Variants in CEP170 observed in about 807,000 individuals in gnomAD.
CEP170 encodes centrosomal protein 170.
A neutral mutation model predicts 151.9 loss-of-function variants in CEP170; 21 were observed. That is an observed-to-expected ratio of 0.14 (90% CI 0.10 to 0.20). CEP170 has a LOEUF of 0.20. Ranked by LOEUF, CEP170 falls within the 10% of genes least tolerant of loss-of-function variation. The pLI is 1.00. For synonymous variants in CEP170, 356 were observed against 648.8 expected (o/e 0.55, Z 6.86); for missense variants, 964 against 1,892.9 (o/e 0.51, Z 9.11).
intron 1 of CEP170, among the ~76,000 whole-genome samples, chr1:243,227,242 G>T (rs2063371342): frequency 6.6e-6 from 1 of 150,596 alleles, no homozygotes; most frequent in Admixed American, 6.6e-5. Flanking sequence ...ACTTCCTCTT[G>T]ACAGCTCAAA....
rs2059894601 is a variant in CEP170, at chr1:243,185,645, A to C, written c.1566+134T>G. On this transcript the variant is annotated intron_variant, in intron 10 of 19. Coordinates refer to ENST00000366542, the MANE Select transcript of CEP170 (RefSeq NM_014812.3). This position sits in a 1 kb window ranked among gnomAD's most constrained non-coding sequence, Gnocchi z 4.9. ...TGTTGGTCTTACTGTTAAGTCTTGC[A>C]GTTCCCTAACAAAACCCTAAAATTC... 1 of 1,257,718 alleles carries C rather than the reference A, an allele frequency of 8.0e-7. No homozygotes were observed. The highest frequency in any genetic ancestry group is 1.5e-5 in the African/African-American group (1 of 66,980). 77.9% of individuals were successfully genotyped at this position (1,257,718 alleles called of 1,614,324 possible).
chr1:243,210,228 C>T lies in CEP170; in HGVS notation c.274+1658G>A, dbSNP rs564293332. On this transcript the variant is annotated intron_variant, in intron 4 of 19. Transcript: ENST00000366542. ...CATGAGGTTTTTTTCTCAATAGTTT[C>T]TTCTTGATATAAAATTCAAAGTTAA... Among the ~76,000 whole-genome samples the T allele has an allele frequency of 1.3e-3, 203 of 152,228 alleles. 1 individual carries two copies. Among genetic ancestry groups the T allele is most frequent in the Non-Finnish European group, 2.3e-3 (159 of 68,000 alleles).
At position 243,174,782 on chromosome 1, in the gene CEP170, GTTAAGT is replaced by G. The variant is rs544682597; in HGVS notation, c.1567-1942_1567-1937del. Among the ~76,000 whole-genome samples the G allele has an allele frequency of 6.7e-3, 1,025 of 152,256 alleles. 10 individuals carry two copies. Among genetic ancestry groups the G allele is most frequent in the African/African-American group, 0.023 (971 of 41,536 alleles). ...CTGCTTCGTTTTGCTTAACATTAGC[GTTAAGT>G]TTAACAGCAGTGAAAAAACCAGAGT... On this transcript the variant is annotated intron_variant, in intron 10 of 19. Coordinates refer to ENST00000366542, the MANE Select transcript of CEP170 (RefSeq NM_014812.3).
At chr1:243,207,446 CA>C (rs2061498042) in intron 4 of CEP170, among the ~76,000 whole-genome samples, 1 of 152,214 alleles carries the variant, frequency 6.6e-6, no homozygotes, top group African/African-American at 2.4e-5. Context: ...CCTGAGATTT[CA>C]ATACCCCTTT....
chr1:243,157,067 A>C (rs1401494605), intron 13 of CEP170, among the ~76,000 whole-genome samples: 1 of 152,246 alleles, frequency 6.6e-6, no homozygotes. Flanking sequence ...TGGTAAAAAA[A>C]CACAACAAAG....
chr1:243,250,961 A>G (rs933017356), intron 1 of CEP170, among the ~76,000 whole-genome samples: 1 of 152,206 alleles, frequency 6.6e-6, no homozygotes, highest in Non-Finnish European at 1.5e-5. Flanking sequence ...CACTGACAAA[A>G]CTGATTGAAT....
chr1:243,228,121 T>G (rs1222689624), intron 1 of CEP170, among the ~76,000 whole-genome samples: 1 of 152,232 alleles, frequency 6.6e-6, no homozygotes, highest in African/African-American at 2.4e-5. Context: ...AGGCAAACTA[T>G]ACTACAGTAA....
intron 15 of CEP170, among the ~76,000 whole-genome samples, chr1:243,141,553 A>T (rs182874604): frequency 6.6e-6 from 1 of 152,336 alleles, no homozygotes; most frequent in East Asian, 1.9e-4. Flanking sequence ...CTCCAAACAC[A>T]GAAGTTCATT....
intron 8 of CEP170, 49 bp from the exon 9 acceptor site, chr1:243,186,471 A>G (rs747983641): frequency 3.1e-5 from 47 of 1,530,778 alleles, no homozygotes; most frequent in Middle Eastern, 1.8e-4. Context: ...AGTCCCATGT[A>G]GAAATTTAGA....
At chr1:243,168,307 CT>C (rs1326808965) in intron 12 of CEP170, 2 of 151,896 alleles carry the variant, frequency 1.3e-5, no homozygotes, top group East Asian at 3.8e-4. Flanking sequence ...TGCCACAAGC[CT>C]GAGACAAAAC....
rs990635344 is a variant in CEP170, at chr1:243,255,085, C to A, written c.-87G>T. 3 of 152,534 alleles carry A rather than the reference C, an allele frequency of 2.0e-5. No homozygotes were observed. The highest frequency in any genetic ancestry group is 6.5e-5 in the Admixed American group (1 of 15,286). The allele number at this position is 152,534 out of a possible 1,614,324, so 9.4% of individuals were successfully genotyped here. On this transcript the variant is annotated 5_prime_UTR_variant, in exon 1 of 20. Coordinates refer to ENST00000366542, the MANE Select transcript of CEP170 (RefSeq NM_014812.3). ...ACCGGACGGGGGAGGCGGGGCGCGT[C>A]GCGTCCCGTGAGTCTCTCGCACGCC...
At chr1:243,205,237 G>C (rs1036084597) in intron 4 of CEP170, among the ~76,000 whole-genome samples, 1 of 152,150 alleles carries the variant, frequency 6.6e-6, no homozygotes, top group African/African-American at 2.4e-5. Flanking sequence ...GAAAATATTA[G>C]AGATAATAGT....
chr1:243,136,493 C>T (rs2148252603), intron 16 of CEP170, among the ~76,000 whole-genome samples: 1 of 152,282 alleles, frequency 6.6e-6, no homozygotes, highest in African/African-American at 2.4e-5. Flanking sequence ...AAACACAATC[C>T]ATTTTATCCT....
chr1:243,186,190 A>C, intron 9 of CEP170, 69 bp downstream of exon 9: 1 of 1,613,660 alleles, frequency 6.2e-7, no homozygotes, highest in Non-Finnish European at 8.5e-7. Context: ...TTTGAGTAAA[A>C]GAATACGACC....
At chr1:243,170,262 G>A (rs2058735196) in intron 11 of CEP170, among the ~76,000 whole-genome samples, 1 of 151,872 alleles carries the variant, frequency 6.6e-6, no homozygotes, top group African/African-American at 2.4e-5. Context: ...GCATATGACT[G>A]TAATCCCAGC....
chr1:243,136,454 T>C (rs989844027), intron 16 of CEP170: 8 of 533,934 alleles, frequency 1.5e-5, no homozygotes, highest in African/African-American at 1.2e-4. Flanking sequence ...TGTCAAAGTT[T>C]CCGTATTATT....
chr1:243,214,286 T>G (rs1005289607), intron 3 of CEP170, among the ~76,000 whole-genome samples: 1 of 145,026 alleles, frequency 6.9e-6, no homozygotes, highest in South Asian at 2.3e-4. Flanking sequence ...TAAAGTTTTT[T>G]TTTTTTTTTT....
intron 16 of CEP170, among the ~76,000 whole-genome samples, chr1:243,139,686 A>G (rs2055596689): frequency 6.6e-6 from 1 of 152,186 alleles, no homozygotes; most frequent in African/African-American, 2.4e-5. Context: ...AACTAAATTC[A>G]TTTAGAGAAT....
chr1:243,199,685 C>G (rs1402311986), intron 6 of CEP170, among the ~76,000 whole-genome samples: 3 of 151,780 alleles, frequency 2.0e-5, no homozygotes, highest in African/African-American at 7.3e-5. Flanking sequence ...TTTTTTCCAG[C>G]CCAAGGACAC....
Sources: gnomAD v4.1 joint callset for allele counts (sites outside exome capture counted in the v4.1 genomes callset) on GRCh38, gnomAD v4.1.1 for gene constraint, Gnocchi (gnomAD v3.1) non-coding constraint, MANE v1.5 for transcripts, NCBI Gene and HGNC (gene_info 2026-07-23, HGNC 2026-07-21) for gene names.